The following PEX13 variants were observed in gnomAD, a reference collection of about 807,000 sequenced individuals.
PEX13 encodes the protein peroxisomal biogenesis factor 13, also known as peroxisome biogenesis factor 13.
PEX13 carries 28 observed loss-of-function variants against 34.5 expected under a neutral mutation model. The ratio of observed to expected loss-of-function variants is 0.81; its 90% CI spans 0.60 to 1.11. PEX13 has a LOEUF of 1.11. Ranked by LOEUF, PEX13 falls within the 50% of genes most tolerant of loss-of-function variation. The pLI, the probability that PEX13 is intolerant of heterozygous loss-of-function variation, is 0.00. For missense variants in PEX13, 550 were observed against 491.0 expected (o/e 1.12, Z -1.13); for synonymous variants, 177 against 175.1 (o/e 1.01, Z -0.09).
Position 61,048,798 on chromosome 2 carries a change from C to G in PEX13, c.*28C>G. ...TCTTTCATGTTTGCCTGCAGTTGAA[C>G]AATACTTTAGAGTACTTTTTAAAAT... On this transcript the variant is annotated 3_prime_UTR_variant, in exon 4 of 4. Coordinates refer to ENST00000295030, the MANE Select transcript of PEX13 (RefSeq NM_002618.4). 6.4e-7 allele frequency: 1 copy of G among 1,554,242 alleles called. No homozygotes were observed.
intron 2 of PEX13, among the ~76,000 whole-genome samples, chr2:61,043,344 A>G (rs912612627): frequency 6.6e-6 from 1 of 151,970 alleles, no homozygotes; most frequent in African/African-American, 2.4e-5. Context: ...AAAAAAAAAA[A>G]AAAAAAAACA....
rs1423457933 is a variant in PEX13, at chr2:61,017,723, CAG to C, written c.-36_-35del. 2 of 1,523,842 alleles carry C rather than the reference CAG, an allele frequency of 1.3e-6. No individual in the cohort carries two copies. The highest frequency in any genetic ancestry group is 1.8e-6 in the Non-Finnish European group (2 of 1,124,554). The allele number at this position is 1,523,842 out of a possible 1,614,324, so 94.4% of individuals were successfully genotyped here. ...GCTGGTCTACGCGGGCCTGGACAGT[CAG>C]GGGTAGGAGCGGGAGCCGAGAGGAG... On this transcript the variant is annotated 5_prime_UTR_variant, in exon 1 of 4. Transcript: ENST00000295030.
At chr2:61,019,994 C>T (rs1054179327) in intron 1 of PEX13, among the ~76,000 whole-genome samples, 2 of 152,042 alleles carry the variant, frequency 1.3e-5, no homozygotes, top group Non-Finnish European at 2.9e-5. Context: ...GGAGACTGGG[C>T]GGGCAGATCA....
At chr2:61,042,024 G>A (rs747967334) in intron 2 of PEX13, among the ~76,000 whole-genome samples, 4 of 152,230 alleles carry the variant, frequency 2.6e-5, no homozygotes, top group South Asian at 2.1e-4. Flanking sequence ...TTGGCAAACC[G>A]TGGCTTGTGG....
chr2:61,029,908 A>G (rs34223071), intron 1 of PEX13, among the ~76,000 whole-genome samples: 10,462 of 152,276 alleles, frequency 0.069, 517 homozygotes, highest in Non-Finnish European at 0.1. Context: ...ACTACAGTAT[A>G]AGTAATTACA....
chr2:61,040,082 AAAC>A (rs1346149397), intron 2 of PEX13, among the ~76,000 whole-genome samples: 2 of 152,176 alleles, frequency 1.3e-5, no homozygotes, highest in Non-Finnish European at 2.9e-5. Context: ...AAAAGTCAGG[AAAC>A]AACAGATGCT....
intron 1 of PEX13, among the ~76,000 whole-genome samples, chr2:61,023,471 C>G (rs758102510): frequency 2.0e-5 from 3 of 151,696 alleles, no homozygotes; most frequent in Non-Finnish European, 2.9e-5. Flanking sequence ...AGTATTCAGT[C>G]TGAGGATTCA....
At position 61,032,056 on chromosome 2, in the gene PEX13, C is replaced by T. The variant is rs1446339807; in HGVS notation, c.730C>T (p.Leu244Phe). ...WPIFLFFAVI[L>F]GGPYLIWKLL... Reference sequence around the variant, plus strand: ...AATATTCTTGTTCTTTGCTGTTATCCTTGGTGGTCCTTACCTCATTTGGAA... The same window carrying T: ...AATATTCTTGTTCTTTGCTGTTATCTTTGGTGGTCCTTACCTCATTTGGAA... The change falls in exon 2 of 4, where the codon CTT becomes TTT. Residue 244 changes from leucine (L) to phenylalanine (F), a missense_variant. Transcript: ENST00000295030. The T allele has an allele frequency of 1.2e-6, 2 of 1,613,582 alleles. No homozygotes were observed. The highest frequency in any genetic ancestry group is 3.3e-5 in the Admixed American group (2 of 59,904).
chr2:61,024,736 G>A (rs1680322913), intron 1 of PEX13, among the ~76,000 whole-genome samples: 1 of 152,148 alleles, frequency 6.6e-6, no homozygotes. Flanking sequence ...ATGAACCCAG[G>A]AGGCTGAGCT....
At chr2:61,040,626 T>C (rs1012134479) in intron 2 of PEX13, among the ~76,000 whole-genome samples, 36 of 151,424 alleles carry the variant, frequency 2.4e-4, no homozygotes, top group African/African-American at 8.7e-4. Flanking sequence ...TTAGGAGAAA[T>C]ACCTAATGTA....
rs1489089928 is a variant in PEX13, at chr2:61,017,888, G to T, written c.92+37G>T. ...ATTCTTCAGGCTGTGAGTTTAGTGG[G>T]CCCGAGCGGGGACTTGGCAGGAGGC... On this transcript the variant is annotated intron_variant, in intron 1 of 3. Coordinates refer to ENST00000295030, the MANE Select transcript of PEX13 (RefSeq NM_002618.4). 8.5e-6 allele frequency: 13 copies of T among 1,536,052 alleles called. No homozygotes were observed. The South Asian group carries it at 1.6e-4, about 18-fold the overall frequency.
chr2:61,024,135 T>TA (rs1680312220), intron 1 of PEX13, among the ~76,000 whole-genome samples: 3 of 152,292 alleles, frequency 2.0e-5, no homozygotes, highest in African/African-American at 7.2e-5. Flanking sequence ...AAAAGAATCT[T>TA]ACCCCACCCC....
chr2:61,047,837 A>G (rs1680727675), intron 3 of PEX13, among the ~76,000 whole-genome samples: 1 of 152,260 alleles, frequency 6.6e-6, no homozygotes, highest in Non-Finnish European at 1.5e-5. Context: ...GCAGCTTTTT[A>G]AAGATATAGA....
In PEX13 at chr2:61,051,502, C is replaced by T. The variant is rs1278957163; in HGVS notation, c.*2732C>T. On this transcript the variant is annotated 3_prime_UTR_variant, in exon 4 of 4. Transcript: ENST00000295030. ...TGGTGACTATTTGTGCCTGAAAATT[C>T]GTTTTGTATTAAAATTCTGGAGAAG... 6.6e-5 allele frequency: 10 copies of T among 152,190 alleles called. No homozygotes were observed. Among genetic ancestry groups the T allele is most frequent in the Non-Finnish European group, 1.3e-4 (9 of 67,994 alleles). The allele number at this position is 152,190 out of a possible 1,614,324, so 9.4% of individuals were successfully genotyped here. A position where few individuals can be genotyped will look rare whatever the true frequency, so the allele number is the denominator to read the frequency against.
At chr2:61,043,163 T>C (rs930991700) in intron 2 of PEX13, among the ~76,000 whole-genome samples, 1 of 151,936 alleles carries the variant, frequency 6.6e-6, no homozygotes, top group Non-Finnish European at 1.5e-5. Context: ...TTCCATTGTT[T>C]ACAAATTACC....
At chr2:61,041,197 T>G (rs1231929474) in intron 2 of PEX13, among the ~76,000 whole-genome samples, 1 of 152,066 alleles carries the variant, frequency 6.6e-6, no homozygotes, top group Non-Finnish European at 1.5e-5. Flanking sequence ...GGTGTGGTGG[T>G]GCATGCCTAT....
At chr2:61,022,454 A>G (rs1299848124) in intron 1 of PEX13, among the ~76,000 whole-genome samples, 1 of 152,258 alleles carries the variant, frequency 6.6e-6, no homozygotes, top group Non-Finnish European at 1.5e-5. Context: ...AATTGATGAA[A>G]TAAAGTGAGA....
At chr2:61,020,182 C>T (rs1249487411) in intron 1 of PEX13, among the ~76,000 whole-genome samples, 2 of 152,104 alleles carry the variant, frequency 1.3e-5, no homozygotes, top group East Asian at 1.9e-4. Context: ...GCCAAGATCA[C>T]GCCACTGCAC....
At position 61,050,994 on chromosome 2, in the gene PEX13, G is replaced by A. The variant is rs1680789414; in HGVS notation, c.*2224G>A. 6.6e-6 allele frequency: 1 copy of A among 152,314 alleles called. No homozygotes were observed. The highest frequency in any genetic ancestry group is 2.4e-5 in the African/African-American group (1 of 41,448). The allele number at this position is 152,314 out of a possible 1,614,324, so 9.4% of individuals were successfully genotyped here. A position where few individuals can be genotyped will look rare whatever the true frequency, so the allele number is the denominator to read the frequency against. On this transcript the variant is annotated 3_prime_UTR_variant, in exon 4 of 4. Coordinates refer to ENST00000295030, the MANE Select transcript of PEX13 (RefSeq NM_002618.4). ...CGAATAGTTCAGATTAAAACATACA[G>A]GAACCAAGTACATACCCAGCATAGA...
Sources: allele counts gnomAD v4.1 joint callset (sites outside exome capture counted in the v4.1 genomes callset), GRCh38; gene constraint gnomAD v4.1.1; transcripts MANE v1.5; gene names NCBI Gene and HGNC (gene_info 2026-07-23, HGNC 2026-07-21).